Variants in ICA1 observed in about 807,000 individuals in gnomAD.
ICA1 encodes the protein islet cell autoantigen 1.
ICA1 carries 40 observed loss-of-function variants against 71.0 expected under a neutral mutation model. That is an observed-to-expected ratio of 0.56 (90% CI 0.44 to 0.73). The LOEUF is 0.73. ICA1 is among the 30% of genes least tolerant of loss of function. The pLI, the probability that ICA1 is intolerant of heterozygous loss-of-function variation, is 0.00. For missense variants in ICA1, 578 were observed against 576.5 expected, an observed-to-expected ratio of 1.00 and a Z score of -0.03; for synonymous variants, 207 against 209.5, an observed-to-expected ratio of 0.99 and a Z score of 0.10.
intron 12 of ICA1, 119 bp from the exon 13 acceptor site, chr7:8,128,261 T>A: frequency 9.9e-7 from 1 of 1,013,842 alleles, no homozygotes; most frequent in Non-Finnish European, 1.4e-6. Context: ...AAAAATGTCA[T>A]CAAAATATAA....
At chr7:8,194,377 A>C (rs143174712) in intron 6 of ICA1, among the ~76,000 whole-genome samples, 2 of 152,252 alleles carry the variant, frequency 1.3e-5, no homozygotes, top group East Asian at 3.8e-4. Flanking sequence ...TATTTATAAA[A>C]TAAAAGACGT....
Position 8,130,722 on chromosome 7 carries a change from CAG to C in ICA1, c.1061-2582_1061-2581del, listed in dbSNP as rs1396695440. Among the ~76,000 whole-genome samples, 3 of 152,202 alleles carry C rather than the reference CAG, an allele frequency of 2.0e-5. No homozygotes were observed. Among genetic ancestry groups the C allele is most frequent in the African/African-American group, 7.2e-5 (3 of 41,442 alleles). ...TCAGGGAGGCTTCACTACTTTAGTA[CAG>C]ATGTCTGTCCAGGGAAGATCATCAT... On this transcript the variant is annotated intron_variant, in intron 12 of 13. Coordinates refer to ENST00000402384, the MANE Select transcript of ICA1 (RefSeq NM_001136020.3). The surrounding 1 kb of genome is among the most constrained non-coding windows in gnomAD (Gnocchi z 4.2).
Position 8,158,541 on chromosome 7 carries a change from G to C in ICA1, c.691C>G (p.Leu231Val). Residue 231 changes from leucine (L) to valine (V), a missense_variant, in exon 7 of 14, where the codon CTA becomes GTA. Coordinates refer to ENST00000402384, the MANE Select transcript of ICA1 (RefSeq NM_001136020.3). ...TATTTTGTTACCTGGTATGTTGCTAGCATGTGAGACAAGAGATTGCATCTG... is the reference window on the plus strand; with the variant it reads ...TATTTTGTTACCTGGTATGTTGCTACCATGTGAGACAAGAGATTGCATCTG... ...ASRCNLLSHM[L>V]ATYQTTLLHF... 6.2e-7 allele frequency: 1 copy of C among 1,614,068 alleles called. No individual in the cohort carries two copies. Among genetic ancestry groups the C allele is most frequent in the African/African-American group, 1.3e-5 (1 of 75,062 alleles).
At chr7:8,258,342 G>C (rs1810960129) in intron 1 of ICA1, among the ~76,000 whole-genome samples, 1 of 152,154 alleles carries the variant, frequency 6.6e-6, no homozygotes, top group Non-Finnish European at 1.5e-5. Flanking sequence ...TTTGGTCAAA[G>C]GCCTGATGGA....
chr7:8,222,835 C>T lies in ICA1; in HGVS notation c.257-1437G>A, dbSNP rs1003842937. Reference sequence around the variant, plus strand: ...ACAGCAGTGCTCTCTGGGCACCTGACTTAGCACTCACCTTGTGTGACTGGG... The same window carrying T: ...ACAGCAGTGCTCTCTGGGCACCTGATTTAGCACTCACCTTGTGTGACTGGG... On this transcript the variant is annotated intron_variant, in intron 4 of 13. Coordinates refer to ENST00000402384, the MANE Select transcript of ICA1 (RefSeq NM_001136020.3). The surrounding 1 kb of genome is among the most constrained non-coding windows in gnomAD (Gnocchi z 4.8). Among the ~76,000 whole-genome samples the T allele has an allele frequency of 2.4e-4, 37 of 152,204 alleles. No individual in the cohort carries two copies. Among genetic ancestry groups the T allele is most frequent in the Admixed American group, 7.9e-4 (12 of 15,274 alleles).
At position 8,232,720 on chromosome 7, in the gene ICA1, T is replaced by C; in HGVS notation, c.53A>G (p.Gln18Arg). 6.2e-7 allele frequency: 1 copy of C among 1,609,450 alleles called. No individual in the cohort carries two copies. The highest frequency in any genetic ancestry group is 8.5e-7 in the Non-Finnish European group (1 of 1,177,970). Residue 18 changes from glutamine (Q) to arginine (R), a missense_variant, in exon 3 of 14, where the codon CAA becomes CGA. Physicochemically the swap from Gln to Arg is conservative, Grantham distance 43. Transcript: ENST00000402384. ...YPWDLQDRYA[Q>R]DKSVVNKMQQ... ...CATCTTATTTACAACTGACTTATCTTGAGCATATCGATCCTGTAAGTCCCA... is the reference window on the plus strand; with the variant it reads ...CATCTTATTTACAACTGACTTATCTCGAGCATATCGATCCTGTAAGTCCCA...
At chr7:8,235,147 G>C (rs571161260) in intron 2 of ICA1, among the ~76,000 whole-genome samples, 2 of 151,740 alleles carry the variant, frequency 1.3e-5, no homozygotes, top group African/African-American at 4.8e-5. Context: ...CTGGGTGACA[G>C]AGTGAGACTC....
chr7:8,257,133 G>A (rs1810496904), intron 1 of ICA1, among the ~76,000 whole-genome samples: 1 of 152,150 alleles, frequency 6.6e-6, no homozygotes, highest in South Asian at 2.1e-4. Context: ...GCTGGGTTAG[G>A]CCCAAATCCA....
In ICA1 at chr7:8,235,848, T is replaced by A. The variant is rs1746503909; in HGVS notation, c.17+62A>T. The A allele has an allele frequency of 3.3e-6, 5 of 1,530,634 alleles. No individual in the cohort carries two copies. The Admixed American group carries it at 6.8e-5, about 21-fold the overall frequency. 94.8% of individuals were successfully genotyped at this position (1,530,634 alleles called of 1,614,324 possible). On this transcript the variant is annotated intron_variant, in intron 2 of 13. Coordinates refer to ENST00000402384, the MANE Select transcript of ICA1 (RefSeq NM_001136020.3). ...CTTGTTTTTCCATTCAATAGATGTT[T>A]ATTGATCATATGCTATATGCTTTCT...
chr7:8,240,276 A>T (rs1300565550), intron 1 of ICA1, among the ~76,000 whole-genome samples: 2 of 148,320 alleles, frequency 1.3e-5, no homozygotes, highest in African/African-American at 2.5e-5. Context: ...AGGCAAACAG[A>T]GTCTGGAGTG....
intron 4 of ICA1, among the ~76,000 whole-genome samples, chr7:8,224,790 C>T (rs1798117735): frequency 6.6e-6 from 1 of 152,154 alleles, no homozygotes. Context: ...GTTCCTTAGT[C>T]TTTATCTTTC....
intron 6 of ICA1, among the ~76,000 whole-genome samples, chr7:8,175,025 T>A (rs1780133010): frequency 6.6e-6 from 1 of 152,064 alleles, no homozygotes; most frequent in South Asian, 2.1e-4. Context: ...TTCCACCATC[T>A]GGAGGGCAAA....
At chr7:8,119,020 G>T (rs1033665670) in intron 13 of ICA1, among the ~76,000 whole-genome samples, 1 of 152,214 alleles carries the variant, frequency 6.6e-6, no homozygotes, top group Non-Finnish European at 1.5e-5. Context: ...TTCCTCAGTT[G>T]GTCTCTGAGG....
At chr7:8,211,169 C>T (rs1376164425) in intron 6 of ICA1, among the ~76,000 whole-genome samples, 2 of 152,184 alleles carry the variant, frequency 1.3e-5, no homozygotes, top group African/African-American at 4.8e-5. Context: ...CCCAGAGAAC[C>T]CACAGCTGAT....
intron 1 of ICA1, among the ~76,000 whole-genome samples, chr7:8,253,864 A>T (rs1809085120): frequency 6.6e-6 from 1 of 152,202 alleles, no homozygotes; most frequent in African/African-American, 2.4e-5. Context: ...GGTTAATAAT[A>T]ACAGTGTGAA....
chr7:8,257,691 T>A (rs1266101197), intron 1 of ICA1, among the ~76,000 whole-genome samples: 1 of 152,186 alleles, frequency 6.6e-6, no homozygotes, highest in East Asian at 1.9e-4. Flanking sequence ...TGCAATGTTC[T>A]CTGATTCTAA....
chr7:8,252,732 T>A lies in ICA1; in HGVS notation c.-80+9362A>T, dbSNP rs1361233693. On this transcript the variant is annotated intron_variant, in intron 1 of 13. Coordinates refer to ENST00000402384, the MANE Select transcript of ICA1 (RefSeq NM_001136020.3). ...TAACTACATTTATATATTACATATT[T>A]ACATATGTATATTATATATTCTGCT... Among the ~76,000 whole-genome samples, 7 of 151,176 alleles carry A rather than the reference T, an allele frequency of 4.6e-5. No individual in the cohort carries two copies. The East Asian group carries it at 1.4e-3, about 29-fold the overall frequency.
chr7:8,173,517 C>T lies in ICA1; in HGVS notation c.580-14865G>A, dbSNP rs1779528963. On this transcript the variant is annotated intron_variant, in intron 6 of 13. Coordinates refer to ENST00000402384, the MANE Select transcript of ICA1 (RefSeq NM_001136020.3). This position sits in a 1 kb window ranked among gnomAD's most constrained non-coding sequence, Gnocchi z 4.0. Reference sequence around the variant, plus strand: ...CTAATGAACCAATTCAATATTTTGACAAAGAAAAAGAAACAAACATTTATC... The same window carrying T: ...CTAATGAACCAATTCAATATTTTGATAAAGAAAAAGAAACAAACATTTATC... Among the ~76,000 whole-genome samples the T allele has an allele frequency of 6.6e-6, 1 of 152,156 alleles. No individual in the cohort carries two copies. The highest frequency in any genetic ancestry group is 1.5e-5 in the Non-Finnish European group (1 of 68,012).
At chr7:8,206,147 C>T (rs140219745) in intron 6 of ICA1, among the ~76,000 whole-genome samples, 5 of 152,188 alleles carry the variant, frequency 3.3e-5, no homozygotes, top group East Asian at 1.9e-4. Flanking sequence ...TTTCCCTTTC[C>T]GGATAAGCAT....
Sources: gnomAD v4.1 joint callset for allele counts (sites outside exome capture counted in the v4.1 genomes callset) on GRCh38, gnomAD v4.1.1 for gene constraint, Gnocchi (gnomAD v3.1) non-coding constraint, MANE v1.5 for transcripts, NCBI Gene and HGNC (gene_info 2026-07-23, HGNC 2026-07-21) for gene names.